Variants in APOLD1 observed in about 807,000 individuals in gnomAD.
APOLD1 encodes apolipoprotein L domain containing 1, also known as apolipoprotein L domain-containing protein 1.
Under a neutral mutation model 15.3 loss-of-function variants are expected in APOLD1, and 22 were observed. The ratio of observed to expected loss-of-function variants is 1.44; its 90% CI spans 1.03 to 2.05. APOLD1 has a LOEUF of 2.05. Among genes scored for constraint, APOLD1 ranks in the 30% most tolerant of loss-of-function variants. APOLD1 has a pLI of 0.00. For missense variants in APOLD1, 394 were observed against 353.5 expected (o/e 1.11, Z -0.92); for synonymous variants, 190 against 167.4 (o/e 1.13, Z -1.04).
chr12:12,771,285 G>A (rs1946985177), intron 1 of APOLD1: 1 of 176,980 alleles, frequency 5.7e-6, no homozygotes, highest in Admixed American at 6.1e-5. Flanking sequence ...TTTTGTGTAT[G>A]AAAAAGGTGC....
At chr12:12,730,029 TGTGTG>T (rs1946624495) in intron 1 of APOLD1, among the ~76,000 whole-genome samples, 1 of 23,756 alleles carries the variant, frequency 4.2e-5, no homozygotes. Context: ...GCTAACTTTG[TGTGTG>T]TGTGTGTGTG....
At chr12:12,755,855 A>C (rs1381727763) in intron 1 of APOLD1, among the ~76,000 whole-genome samples, 2 of 152,190 alleles carry the variant, frequency 1.3e-5, no homozygotes, top group African/African-American at 4.8e-5. Context: ...TAAACAAACA[A>C]AAAACATAAA....
At chr12:12,753,611 G>A (rs1946831678) in intron 1 of APOLD1, among the ~76,000 whole-genome samples, 1 of 152,124 alleles carries the variant, frequency 6.6e-6, no homozygotes, top group Non-Finnish European at 1.5e-5. Context: ...CGAGGTGGTA[G>A]CAGTGAGCTG....
At position 12,787,437 on chromosome 12, in the gene APOLD1, T is replaced by C; in HGVS notation, c.532T>C (p.Phe178Leu). 1 of 1,614,192 alleles carries C rather than the reference T, an allele frequency of 6.2e-7. No homozygotes were observed. The highest frequency in any genetic ancestry group is 8.5e-7 in the Non-Finnish European group (1 of 1,180,016). ...YFIVFFGSRGFLIPRRAEGDT... is the reference protein window; with the variant it reads ...YFIVFFGSRGLLIPRRAEGDT... ...CATCGTCTTCTTTGGCTCACGTGGC[T>C]TCCTCATCCCCAGGCGGGCGGAGGG... Residue 178 changes from phenylalanine to leucine, a missense_variant, in exon 2 of 2, where the codon TTC becomes CTC. Coordinates refer to ENST00000356591, the MANE Select transcript of APOLD1 (RefSeq NM_030817.3). The surrounding 1 kb of genome is among the most constrained non-coding windows in gnomAD (Gnocchi z 4.9).
intron 1 of APOLD1, among the ~76,000 whole-genome samples, chr12:12,750,054 C>A (rs188695330): frequency 6.6e-6 from 1 of 152,160 alleles, no homozygotes; most frequent in East Asian, 1.9e-4. Flanking sequence ...AAATCCCTTC[C>A]GGTAGAGACA....
At chr12:12,744,556 CAG>C (rs1565428170) in intron 1 of APOLD1, among the ~76,000 whole-genome samples, 1 of 151,996 alleles carries the variant, frequency 6.6e-6, no homozygotes, top group African/African-American at 2.4e-5. Context: ...TTGCAGTGAA[CAG>C]AGATCGCACC....
At chr12:12,776,025 A>AAAC (rs1339588398) in intron 1 of APOLD1, among the ~76,000 whole-genome samples, 13 of 146,432 alleles carry the variant, frequency 8.9e-5, no homozygotes, top group Non-Finnish European at 1.5e-4. Flanking sequence ...AAAAAAAAAA[A>AAAC]ACACAACAAA....
rs1947149356 is a variant in APOLD1, at chr12:12,788,175, G to C, written c.*523G>C. On this transcript the variant is annotated 3_prime_UTR_variant, in exon 2 of 2. Transcript: ENST00000356591. Reference sequence around the variant, plus strand: ...GTTGTAGGATGGTTCAGAACCCAGAGAGGACCCTGGTGCTGATATCTCCTC... The same window carrying C: ...GTTGTAGGATGGTTCAGAACCCAGACAGGACCCTGGTGCTGATATCTCCTC... 1 of 153,188 alleles carries C rather than the reference G, an allele frequency of 6.5e-6. No homozygotes were observed. Among genetic ancestry groups the C allele is most frequent in the African/African-American group, 2.4e-5 (1 of 41,460 alleles). The allele number at this position is 153,188 out of a possible 1,614,324, so 9.5% of individuals were successfully genotyped here.
Position 12,787,776 on chromosome 12 carries a change from C to G in APOLD1, c.*124C>G. The stretch of plus-strand genomic sequence containing the variant: ...AGCCGAAGGCAAAGGATGAGAAAAA[C>G]TGTTTTTGAAGTGGGCAGGTCCCCA... On this transcript the variant is annotated 3_prime_UTR_variant, in exon 2 of 2. Coordinates refer to ENST00000356591, the MANE Select transcript of APOLD1 (RefSeq NM_030817.3). This position sits in a 1 kb window ranked among gnomAD's most constrained non-coding sequence, Gnocchi z 4.9. 7.0e-7 allele frequency: 1 copy of G among 1,431,028 alleles called. No homozygotes were observed. 88.6% of individuals were successfully genotyped at this position (1,431,028 alleles called of 1,614,324 possible). A position where few individuals can be genotyped will look rare whatever the true frequency, so the allele number is the denominator to read the frequency against.
At chr12:12,774,306 A>G (rs1947011496) in intron 1 of APOLD1, among the ~76,000 whole-genome samples, 4 of 152,096 alleles carry the variant, frequency 2.6e-5, no homozygotes. Flanking sequence ...GCACTTTGGG[A>G]GGCCGAAGAG....
intron 1 of APOLD1, among the ~76,000 whole-genome samples, chr12:12,743,267 A>G (rs1592292318): frequency 6.6e-6 from 1 of 152,176 alleles, no homozygotes; most frequent in South Asian, 2.1e-4. Flanking sequence ...ATGGTGTCAC[A>G]CACTTGTATT....
chr12:12,784,773 G>A (rs893333726), upstream of APOLD1, among the ~76,000 whole-genome samples: 42 of 152,170 alleles, frequency 2.8e-4, no homozygotes, highest in African/African-American at 8.9e-4. Flanking sequence ...ATGCCCCAGA[G>A]ATATCTATGT....
At chr12:12,771,744 A>G in intron 1 of APOLD1, 5 of 316,168 alleles carry the variant, frequency 1.6e-5, no homozygotes, top group South Asian at 1.1e-4. Flanking sequence ...AATAATAGCA[A>G]TAATGTTCTA....
rs1403389764 is a variant in APOLD1 at position 12,745,306 on chromosome 12, T to C, written c.96+19210T>C. 2.8e-3 allele frequency among the ~76,000 whole-genome samples: 418 copies of C among 151,948 alleles called. 1 individual carries two copies. The highest frequency in any genetic ancestry group is 9.5e-3 in the African/African-American group (394 of 41,310). ...CCTGTAATCCCAGTACTTTGGGAAG[T>C]TGAGGCGGGTGGATCACCTGAGGTC... On this transcript the variant is annotated intron_variant, in intron 1 of 1. Coordinates refer to the APOLD1 transcript ENST00000326765.
At chr12:12,742,319 C>T (rs1332971924) in intron 1 of APOLD1, among the ~76,000 whole-genome samples, 1 of 152,188 alleles carries the variant, frequency 6.6e-6, no homozygotes, top group Admixed American at 6.5e-5. Flanking sequence ...GAGAAGCCCC[C>T]TTGCAAAGGA....
intron 1 of APOLD1, among the ~76,000 whole-genome samples, chr12:12,773,905 C>G (rs1422644454): frequency 6.6e-6 from 1 of 152,104 alleles, no homozygotes; most frequent in African/African-American, 2.4e-5. Context: ...AAAAATGAGT[C>G]TAGACACAGA....
intron 1 of APOLD1, among the ~76,000 whole-genome samples, chr12:12,735,381 T>TG (rs1434765585): frequency 1.3e-5 from 2 of 151,812 alleles, no homozygotes; most frequent in African/African-American, 4.8e-5. Context: ...CCTAAAGAAA[T>TG]GACTTTCAAG....
intron 1 of APOLD1, among the ~76,000 whole-genome samples, chr12:12,745,462 G>T (rs1371662591): frequency 1.3e-5 from 2 of 152,058 alleles, no homozygotes; most frequent in African/African-American, 2.4e-5. Context: ...TCAGGGAGGT[G>T]GAAGTTGCGG....
At chr12:12,771,054 A>G (rs948054654) in intron 1 of APOLD1, among the ~76,000 whole-genome samples, 1 of 152,212 alleles carries the variant, frequency 6.6e-6, no homozygotes, top group Non-Finnish European at 1.5e-5. Context: ...TTCTCAGACA[A>G]ACAAAAATTG....
Sources: allele counts gnomAD v4.1 joint callset (sites outside exome capture counted in the v4.1 genomes callset), GRCh38; gene constraint gnomAD v4.1.1; non-coding constraint Gnocchi (gnomAD v3.1); transcripts MANE v1.5; gene names NCBI Gene and HGNC (gene_info 2026-07-23, HGNC 2026-07-21).